The following TBC1D32 variants were observed in gnomAD, a reference collection of about 807,000 sequenced individuals.
TBC1D32 encodes TBC1 domain family member 32, also known as protein broad-minded.
A neutral mutation model predicts 170.3 loss-of-function variants in TBC1D32; 151 were observed. That is an observed-to-expected ratio of 0.89 (90% CI 0.78 to 1.01). TBC1D32 has a LOEUF of 1.01. Ranked by LOEUF, TBC1D32 falls within the 50% of genes least tolerant of loss-of-function variation. The pLI, the probability that TBC1D32 is intolerant of heterozygous loss-of-function variation, is 0.00. For synonymous variants in TBC1D32, 498 were observed against 488.0 expected (o/e 1.02, Z -0.27); for missense variants, 1,464 against 1,457.1 (o/e 1.00, Z -0.08).
At chr6:121,212,367 C>A (rs1793174930) in intron 21 of TBC1D32, among the ~76,000 whole-genome samples, 1 of 151,950 alleles carries the variant, frequency 6.6e-6, no homozygotes, top group African/African-American at 2.4e-5. Context: ...ACCTAACTTA[C>A]CTAACTCATT....
chr6:121,315,358 T>C (rs1808779670), intron 3 of TBC1D32, among the ~76,000 whole-genome samples: 1 of 152,238 alleles, frequency 6.6e-6, no homozygotes, highest in Non-Finnish European at 1.5e-5. Flanking sequence ...GGCATTATTT[T>C]GCAGAGACTT....
chr6:121,267,981 A>G (rs1290008572), intron 15 of TBC1D32, among the ~76,000 whole-genome samples: 1 of 152,136 alleles, frequency 6.6e-6, no homozygotes, highest in Non-Finnish European at 1.5e-5. Flanking sequence ...CACTGGTGAT[A>G]CCCAGGCAAA....
chr6:121,279,544 T>G (rs972162403), intron 14 of TBC1D32, among the ~76,000 whole-genome samples: 1 of 151,962 alleles, frequency 6.6e-6, no homozygotes, highest in African/African-American at 2.4e-5. Context: ...ATGTAGTAGC[T>G]CTTGTATTTC....
At chr6:121,090,753 G>A in intron 31 of TBC1D32, 100 bp downstream of exon 31, 1 of 1,089,926 alleles carries the variant, frequency 9.2e-7, no homozygotes, top group Non-Finnish European at 1.3e-6. Flanking sequence ...CTCACCATTG[G>A]TTTTTAGGAT....
intron 12 of TBC1D32, among the ~76,000 whole-genome samples, chr6:121,291,811 A>G (rs1237573596): frequency 6.6e-6 from 1 of 152,106 alleles, no homozygotes; most frequent in Non-Finnish European, 1.5e-5. Context: ...CTAGCTCTAA[A>G]TCTATATCTG....
intron 1 of TBC1D32, among the ~76,000 whole-genome samples, chr6:121,327,924 C>T (rs1583784345): frequency 6.6e-6 from 1 of 152,124 alleles, no homozygotes; most frequent in Non-Finnish European, 1.5e-5. Context: ...ACTAAAGATA[C>T]TATGAATGTC....
intron 15 of TBC1D32, among the ~76,000 whole-genome samples, chr6:121,262,021 G>A (rs902490453): frequency 3.3e-5 from 5 of 152,118 alleles, no homozygotes; most frequent in Admixed American, 3.3e-4. Flanking sequence ...CAATCAAGTG[G>A]AAGAAAAAAT....
intron 22 of TBC1D32, among the ~76,000 whole-genome samples, chr6:121,181,069 T>C (rs572355194): frequency 6.6e-6 from 1 of 152,176 alleles, no homozygotes; most frequent in East Asian, 1.9e-4. Context: ...GAATGGCTAT[T>C]ATCAAAAAGA....
intron 20 of TBC1D32, among the ~76,000 whole-genome samples, chr6:121,229,181 C>G (rs1029481432): frequency 2.6e-5 from 4 of 152,202 alleles, no homozygotes; most frequent in South Asian, 2.1e-4. Flanking sequence ...ACCTCGCCTG[C>G]CCTCCCTCCA....
chr6:121,169,253 G>A (rs541644227), intron 22 of TBC1D32, among the ~76,000 whole-genome samples: 70 of 152,136 alleles, frequency 4.6e-4, no homozygotes, highest in Non-Finnish European at 9.6e-4. Flanking sequence ...AGAGAACCTA[G>A]AAATAAGGCC....
At chr6:121,155,320 T>C (rs1276903593) in intron 24 of TBC1D32, among the ~76,000 whole-genome samples, 2 of 152,116 alleles carry the variant, frequency 1.3e-5, no homozygotes, top group African/African-American at 2.4e-5. Context: ...TACTGTTGTA[T>C]AGAAAAGCTG....
chr6:121,126,311 C>T (rs1780841893), intron 26 of TBC1D32, 67 bp downstream of exon 26: 8 of 1,187,288 alleles, frequency 6.7e-6, no homozygotes, highest in Admixed American at 2.0e-5. Context: ...AATATCATTA[C>T]ACATCTCCAT....
At chr6:121,264,849 G>A (rs530109982) in intron 15 of TBC1D32, among the ~76,000 whole-genome samples, 33 of 152,184 alleles carry the variant, frequency 2.2e-4, no homozygotes, top group African/African-American at 7.5e-4. Flanking sequence ...AAAGACCTTC[G>A]ATAAAATTCA....
At chr6:121,221,846 T>C (rs1031924423) in intron 21 of TBC1D32, among the ~76,000 whole-genome samples, 3 of 152,216 alleles carry the variant, frequency 2.0e-5, no homozygotes, top group African/African-American at 7.2e-5. Context: ...ACAAAGGACT[T>C]AAAATATTAC....
At chr6:121,260,170 C>T (rs532774566) in intron 15 of TBC1D32, among the ~76,000 whole-genome samples, 2 of 152,178 alleles carry the variant, frequency 1.3e-5, no homozygotes, top group South Asian at 2.1e-4. Context: ...ATTACAAGTC[C>T]CACTTTCTTG....
intron 26 of TBC1D32, among the ~76,000 whole-genome samples, chr6:121,124,438 C>G (rs529975618): frequency 3.9e-5 from 6 of 152,090 alleles, no homozygotes; most frequent in East Asian, 3.9e-4. Flanking sequence ...CTTATTTTCT[C>G]TCACTGTTTT....
intron 25 of TBC1D32, among the ~76,000 whole-genome samples, chr6:121,130,431 A>C (rs1781312504): frequency 6.6e-6 from 1 of 152,112 alleles, no homozygotes; most frequent in African/African-American, 2.4e-5. Flanking sequence ...GTAGTGAGCC[A>C]AGATCGCACC....
At chr6:121,152,597 T>C (rs1217829409) in intron 24 of TBC1D32, among the ~76,000 whole-genome samples, 1 of 152,204 alleles carries the variant, frequency 6.6e-6, no homozygotes, top group Non-Finnish European at 1.5e-5. Flanking sequence ...AAGAGTGTTT[T>C]CCAACATGGT....
At position 121,242,285 on chromosome 6, in the gene TBC1D32, G is replaced by C. The variant is rs1441743303; in HGVS notation, c.2073C>G (p.Pro691=). 1 of 1,612,474 alleles carries C rather than the reference G, an allele frequency of 6.2e-7. No individual in the cohort carries two copies. The highest frequency in any genetic ancestry group is 8.5e-7 in the Non-Finnish European group (1 of 1,179,130). The change falls in exon 18 of 32, where the codon CCC becomes CCG. Residue 691 remains proline, a synonymous_variant. Transcript: ENST00000398212. ...LDDLLHFAAT[P]KGLLLLQRTG... is the part of the protein sequence containing the mutation. ...TTCTTTGAAGAAGTAGTAATCCTTT[G>C]GGGGTGGCAGCAAAATGTAGTAAAT... is the stretch of plus-strand genomic sequence containing the variant.
Sources: allele counts gnomAD v4.1 joint callset (sites outside exome capture counted in the v4.1 genomes callset), GRCh38; gene constraint gnomAD v4.1.1; transcripts MANE v1.5; gene names NCBI Gene and HGNC (gene_info 2026-07-23, HGNC 2026-07-21).